SRRM3: variants seen among roughly 807,000 people sequenced by gnomAD.
SRRM3 encodes the protein serine/arginine repetitive matrix protein 3.
In SRRM3, 27 loss-of-function variants were observed where a neutral mutation model predicts 66.2. The observed-to-expected ratio is 0.41, with a 90% CI of 0.30 to 0.56. The LOEUF is 0.56. SRRM3 is among the 20% of genes least tolerant of loss of function. SRRM3 has a pLI of 0.32. For synonymous variants in SRRM3, 391 were observed against 414.9 expected, an observed-to-expected ratio of 0.94 and a Z score of 0.70; for missense variants, 918 against 991.9, an observed-to-expected ratio of 0.93 and a Z score of 1.00.
At chr7:76,264,688 A>G (rs1055049458) in intron 8 of SRRM3, 77 bp from the exon 9 acceptor site, 5 of 1,469,122 alleles carry the variant, frequency 3.4e-6, no homozygotes, top group Middle Eastern at 1.8e-4. Flanking sequence ...TCCACACCTG[A>G]GTATACCCAG....
At chr7:76,235,332 G>T in intron 2 of SRRM3, 33 bp downstream of exon 2, 1 of 1,432,554 alleles carries the variant, frequency 7.0e-7, no homozygotes, top group Non-Finnish European at 9.2e-7. Flanking sequence ...CTGGGGTGGG[G>T]AGATAGGCGG....
chr7:76,236,638 C>T (rs1554604985), intron 2 of SRRM3, among the ~76,000 whole-genome samples: 1 of 152,150 alleles, frequency 6.6e-6, no homozygotes, highest in East Asian at 1.9e-4. Flanking sequence ...ATCCGGAAGG[C>T]GGGGGGCCAA....
intron 1 of SRRM3, among the ~76,000 whole-genome samples, chr7:76,229,029 G>A (rs1800949973): frequency 6.6e-6 from 1 of 151,574 alleles, no homozygotes; most frequent in African/African-American, 2.4e-5. Context: ...CTCCGGAGTA[G>A]CTGGGACGAC....
intron 1 of SRRM3, among the ~76,000 whole-genome samples, chr7:76,226,335 G>A (rs538971509): frequency 6.6e-6 from 1 of 152,348 alleles, no homozygotes; most frequent in South Asian, 2.1e-4. Context: ...AGGCCTCTAG[G>A]CTTTTAACCA....
intron 9 of SRRM3, 85 bp downstream of exon 9, chr7:76,264,900 G>T (rs1435495162): frequency 7.0e-7 from 1 of 1,419,372 alleles, no homozygotes; most frequent in Non-Finnish European, 9.7e-7. Context: ...ACAGAATCAG[G>T]CCATTAAAGG....
intron 1 of SRRM3, among the ~76,000 whole-genome samples, chr7:76,227,943 C>A (rs1800919919): frequency 6.6e-6 from 1 of 152,158 alleles, no homozygotes; most frequent in Non-Finnish European, 1.5e-5. Flanking sequence ...AAACTCAGGT[C>A]ACTGCAACCT....
intron 2 of SRRM3, among the ~76,000 whole-genome samples, chr7:76,247,587 T>C (rs1456309012): frequency 6.6e-6 from 1 of 152,112 alleles, no homozygotes; most frequent in East Asian, 1.9e-4. Context: ...GGGCTCAGCC[T>C]CACCTGAGGG....
intron 1 of SRRM3, among the ~76,000 whole-genome samples, chr7:76,206,876 G>C (rs766259051): frequency 1.3e-5 from 2 of 152,208 alleles, no homozygotes; most frequent in Non-Finnish European, 2.9e-5. Flanking sequence ...GGAAGCTGAC[G>C]GACGGTGCCA....
intron 1 of SRRM3, among the ~76,000 whole-genome samples, chr7:76,220,614 G>C (rs1250674410): frequency 6.6e-6 from 1 of 152,202 alleles, no homozygotes; most frequent in African/African-American, 2.4e-5. Flanking sequence ...AGACGGCAGG[G>C]AAAGGGTCAG....
chr7:76,250,038 TTTATTTA>T (rs1221413635), intron 3 of SRRM3, among the ~76,000 whole-genome samples: 4 of 136,814 alleles, frequency 2.9e-5, no homozygotes, highest in African/African-American at 1.1e-4. Flanking sequence ...TATTTATTTA[TTTATTTA>T]TTTTTATTTA....
At chr7:76,270,821 A>G (rs1206796953) in intron 11 of SRRM3, among the ~76,000 whole-genome samples, 1 of 151,878 alleles carries the variant, frequency 6.6e-6, no homozygotes, top group Admixed American at 6.6e-5. Context: ...CTCGGAAAAA[A>G]AAAAAAAATA....
At chr7:76,277,351 G>C (rs1053674453) in intron 11 of SRRM3, among the ~76,000 whole-genome samples, 2 of 152,128 alleles carry the variant, frequency 1.3e-5, no homozygotes, top group Non-Finnish European at 2.9e-5. Flanking sequence ...GACCCATCAC[G>C]GCCTGTGGTC....
chr7:76,207,291 G>A (rs1038403975), intron 1 of SRRM3, among the ~76,000 whole-genome samples: 1 of 151,898 alleles, frequency 6.6e-6, no homozygotes, highest in Non-Finnish European at 1.5e-5. Context: ...GACAGAGTGG[G>A]ACTCCATCTC....
chr7:76,264,979 G>A (rs782465972), intron 9 of SRRM3, among the ~76,000 whole-genome samples, 164 bp downstream of exon 9: 7 of 152,070 alleles, frequency 4.6e-5, no homozygotes, highest in African/African-American at 1.7e-4. Context: ...CTGAGTCAGA[G>A]CTTGAACCAA....
intron 9 of SRRM3, 53 bp downstream of exon 9, chr7:76,264,868 G>A (rs1392953768): frequency 1.2e-5 from 19 of 1,572,312 alleles, no homozygotes; most frequent in Admixed American, 1.7e-5. Flanking sequence ...TCCCGCCCCA[G>A]CAAACTACGC....
At chr7:76,212,340 A>T (rs909979060) in intron 1 of SRRM3, among the ~76,000 whole-genome samples, 11 of 139,494 alleles carry the variant, frequency 7.9e-5, no homozygotes, top group Non-Finnish European at 1.7e-4. Context: ...TATTTTTTTT[A>T]AAGACAGTGT....
intron 2 of SRRM3, among the ~76,000 whole-genome samples, chr7:76,240,584 C>T (rs1041972245): frequency 6.8e-6 from 1 of 147,668 alleles, no homozygotes; most frequent in African/African-American, 2.5e-5. Context: ...TGCGCCACTG[C>T]ACTCCAGCCT....
At position 76,237,032 on chromosome 7, in the gene SRRM3, G is replaced by A. The variant is rs1236830310; in HGVS notation, c.233+1733G>A. Among the ~76,000 whole-genome samples, 8 of 152,076 alleles carry A rather than the reference G, an allele frequency of 5.3e-5. 1 individual carries two copies. The highest frequency in any genetic ancestry group is 1.4e-4 in the African/African-American group (6 of 41,390). On this transcript the variant is annotated intron_variant, in intron 2 of 14. Transcript: ENST00000611745. The stretch of plus-strand genomic sequence containing the variant: ...GTGGCTCCCGGCACTTTGGGAGGCC[G>A]AAGTGGGCAGATCGCTTGAGGTCAG...
At chr7:76,249,879 A>AAAT (rs1367112260) in intron 3 of SRRM3, among the ~76,000 whole-genome samples, 5 of 151,914 alleles carry the variant, frequency 3.3e-5, no homozygotes, top group African/African-American at 9.7e-5. Context: ...AATAATAATA[A>AAAT]AATAATAATA....
Sources: allele counts gnomAD v4.1 joint callset (sites outside exome capture counted in the v4.1 genomes callset), GRCh38; gene constraint gnomAD v4.1.1; transcripts MANE v1.5; gene names NCBI Gene and HGNC (gene_info 2026-07-23, HGNC 2026-07-21).